HIRA: variants seen among roughly 807,000 people sequenced by gnomAD.
HIRA encodes histone cell cycle regulator, also known as protein HIRA.
In HIRA, 13 loss-of-function variants were observed where a neutral mutation model predicts 126.6. The observed-to-expected ratio is 0.10, with a 90% CI of 0.07 to 0.16. The LOEUF (loss-of-function observed/expected upper bound fraction) is 0.16. Among genes scored for constraint, HIRA ranks in the 10% least tolerant of loss-of-function variants. The probability of loss-of-function intolerance (pLI) is 1.00; values close to 1 mark genes in which losing one functional copy is unlikely to be tolerated. For synonymous variants in HIRA, 511 were observed against 520.0 expected (o/e 0.98, Z 0.24); for missense variants, 834 against 1,314.4 (o/e 0.63, Z 5.65).
chr22:19,395,283 G>T (rs2089213608), intron 7 of HIRA, among the ~76,000 whole-genome samples: 1 of 152,156 alleles, frequency 6.6e-6, no homozygotes, highest in Admixed American at 6.5e-5. Context: ...TGACAAACCA[G>T]AGCCTGAGTA....
At chr22:19,364,224 T>C (rs888914794) in intron 15 of HIRA, among the ~76,000 whole-genome samples, 2 of 150,658 alleles carry the variant, frequency 1.3e-5, no homozygotes, top group South Asian at 2.1e-4. Flanking sequence ...AAAAAGGTGG[T>C]GTAGTTACGT....
chr22:19,352,674 T>C (rs563580358), intron 23 of HIRA, among the ~76,000 whole-genome samples: 26 of 152,320 alleles, frequency 1.7e-4, no homozygotes, highest in Non-Finnish European at 2.9e-4. Context: ...TGTACTTAAA[T>C]TTTTTTCTAA....
chr22:19,392,159 G>C lies in HIRA; in HGVS notation c.878C>G (p.Pro293Arg), dbSNP rs2089188420. The change falls in exon 9 of 25, where the codon CCT (proline) becomes CGT (arginine). Residue 293 changes from proline to arginine, a missense_variant. By Grantham distance (103) the Pro-to-Arg change is moderately radical. Around this residue, in one of 5 missense-constraint regions of HIRA, gnomAD observed 153 missense variants for 270.6 expected, o/e 0.57. Coordinates refer to ENST00000263208, the MANE Select transcript of HIRA (RefSeq NM_003325.4). Reference protein sequence around the residue: ...KKQKNGSSAKPSCPYCCCAVG... With the variant: ...KKQKNGSSAKRSCPYCCCAVG... ...AGCACAGCAGCAGTACGGGCAGCTAGGCTTCGCAGAACTCCCATTCTTCTG... is the reference window on the plus strand; with the variant it reads ...AGCACAGCAGCAGTACGGGCAGCTACGCTTCGCAGAACTCCCATTCTTCTG... The C allele has an allele frequency of 6.2e-7, 1 of 1,608,730 alleles. No homozygotes were observed. The highest frequency in any genetic ancestry group is 8.5e-7 in the Non-Finnish European group (1 of 1,175,606).
At chr22:19,381,743 T>C (rs1460319775) in intron 13 of HIRA, among the ~76,000 whole-genome samples, 1 of 152,226 alleles carries the variant, frequency 6.6e-6, no homozygotes, top group East Asian at 1.9e-4. Context: ...TATTATGTTT[T>C]ATCCTTGTAA....
chr22:19,339,585 C>T (rs1202634434), intron 24 of HIRA, among the ~76,000 whole-genome samples: 3 of 149,966 alleles, frequency 2.0e-5, no homozygotes, highest in Non-Finnish European at 4.4e-5. Flanking sequence ...TGTAGTGAGC[C>T]GAGATGCACC....
intron 24 of HIRA, among the ~76,000 whole-genome samples, chr22:19,345,821 A>C (rs2088680584): frequency 6.6e-6 from 1 of 152,194 alleles, no homozygotes; most frequent in Admixed American, 6.5e-5. Flanking sequence ...CAGGAACCTG[A>C]AAGGTGTTTG....
At chr22:19,370,680 A>G (rs904679353) in intron 15 of HIRA, among the ~76,000 whole-genome samples, 1 of 152,058 alleles carries the variant, frequency 6.6e-6, no homozygotes, top group Non-Finnish European at 1.5e-5. Context: ...GTTTTATTTC[A>G]TTTTCCTCAT....
chr22:19,401,716 C>T (rs1601846644), intron 5 of HIRA, among the ~76,000 whole-genome samples: 1 of 152,296 alleles, frequency 6.6e-6, no homozygotes, highest in African/African-American at 2.4e-5. Context: ...ATTCAATGCA[C>T]CAGGAAATCC....
chr22:19,411,569 A>C (rs1160221527), intron 1 of HIRA, among the ~76,000 whole-genome samples: 1 of 152,222 alleles, frequency 6.6e-6, no homozygotes, highest in Non-Finnish European at 1.5e-5. Context: ...TACAAGTGGC[A>C]TGTCAGTTGC....
intron 1 of HIRA, among the ~76,000 whole-genome samples, chr22:19,411,833 G>A (rs1212057983): frequency 6.6e-6 from 1 of 152,178 alleles, no homozygotes; most frequent in Non-Finnish European, 1.5e-5. Context: ...AGGAGTGTGT[G>A]GGCAGGCAGT....
intron 15 of HIRA, among the ~76,000 whole-genome samples, chr22:19,373,004 C>T (rs2088981455): frequency 6.6e-6 from 1 of 152,130 alleles, no homozygotes; most frequent in South Asian, 2.1e-4. Flanking sequence ...TTGTGTCCAG[C>T]CAAAAGTTTT....
At chr22:19,361,197 G>T in intron 17 of HIRA, 40 bp downstream of exon 17, 1 of 1,423,492 alleles carries the variant, frequency 7.0e-7, no homozygotes, top group African/African-American at 1.4e-5. Flanking sequence ...AGAATGTCTG[G>T]GTGTGCCTGA....
chr22:19,400,484 ATGTTTCTATCAC>A (rs1825598356), intron 5 of HIRA, among the ~76,000 whole-genome samples: 2 of 152,296 alleles, frequency 1.3e-5, no homozygotes, highest in Admixed American at 1.3e-4. Context: ...CAAACCCATG[ATGTTTCTATCAC>A]TGGAACTTTG....
In HIRA at chr22:19,355,743, G is replaced by A; in HGVS notation, c.2561+17C>T. 6.4e-7 allele frequency: 1 copy of A among 1,553,340 alleles called. No homozygotes were observed. The highest frequency in any genetic ancestry group is 8.9e-7 in the Non-Finnish European group (1 of 1,125,136). On this transcript the variant is annotated intron_variant, in intron 21 of 24. Coordinates refer to ENST00000263208, the MANE Select transcript of HIRA (RefSeq NM_003325.4). ...GACACTCTTCCAGGGAATAGGACTG[G>A]GGGTCAGCTTGCTTACCATGTGGAA...
At chr22:19,395,496 A>C (rs2089215462) in intron 7 of HIRA, among the ~76,000 whole-genome samples, 1 of 152,054 alleles carries the variant, frequency 6.6e-6, no homozygotes, top group East Asian at 1.9e-4. Context: ...GAAGGAGCAA[A>C]AGCTCCTTAG....
At chr22:19,348,992 T>G (rs908911288) in intron 24 of HIRA, among the ~76,000 whole-genome samples, 4 of 149,680 alleles carry the variant, frequency 2.7e-5, no homozygotes, top group Middle Eastern at 3.4e-3. Context: ...CCATGTTGGC[T>G]GGGTTGGTCT....
chr22:19,389,297 G>A (rs1483677680), intron 9 of HIRA, among the ~76,000 whole-genome samples: 1 of 152,058 alleles, frequency 6.6e-6, no homozygotes, highest in Non-Finnish European at 1.5e-5. Flanking sequence ...TCACTCAATT[G>A]CTGGCATACA....
At chr22:19,419,775 T>C (rs910627588) in intron 1 of HIRA, among the ~76,000 whole-genome samples, 2 of 152,178 alleles carry the variant, frequency 1.3e-5, no homozygotes, top group African/African-American at 2.4e-5. Flanking sequence ...TCAAACACCT[T>C]CAGTATCACT....
intron 24 of HIRA, among the ~76,000 whole-genome samples, chr22:19,334,422 G>A (rs1490416931): frequency 2.6e-5 from 4 of 151,110 alleles, no homozygotes; most frequent in East Asian, 2.1e-4. Context: ...AGGCCAAGGC[G>A]GGCAGATCGC....
Sources: gnomAD v4.1 joint callset for allele counts (sites outside exome capture counted in the v4.1 genomes callset) on GRCh38, gnomAD v4.1.1 for gene constraint, gnomAD v4.1.1 regional missense constraint, MANE v1.5 for transcripts, NCBI Gene and HGNC (gene_info 2026-07-23, HGNC 2026-07-21) for gene names.